LAMP2: variants seen among roughly 807,000 people sequenced by gnomAD.
LAMP2 encodes the protein lysosome associated membrane protein 2.
A neutral mutation model predicts 25.6 loss-of-function variants in LAMP2; 4 were observed. That is an observed-to-expected ratio of 0.16 (90% CI 0.08 to 0.36). The LOEUF (loss-of-function observed/expected upper bound fraction) is 0.36, where lower values mean the gene tolerates loss of function less well. Among genes scored for constraint, LAMP2 ranks in the 10% least tolerant of loss-of-function variants. The pLI is 1.00. For synonymous variants in LAMP2, 108 were observed against 112.7 expected, an observed-to-expected ratio of 0.96 and a Z score of 0.27; for missense variants, 272 against 301.4, an observed-to-expected ratio of 0.90 and a Z score of 0.72.
intron 3 of LAMP2, among the ~76,000 whole-genome samples, chrX:120,453,538 G>A (rs745992285): frequency 3.6e-5 from 4 of 112,265 alleles, no homozygotes; most frequent in South Asian, 3.7e-4. Context: ...GACCACGTGC[G>A]GTGGCTCACG....
In LAMP2 at chrX:120,449,043, C is replaced by A; in HGVS notation, c.483G>T (p.Lys161Asn). 8.3e-7 allele frequency: 1 copy of A among 1,207,920 alleles called. No homozygotes were observed. Among genetic ancestry groups the A allele is most frequent in the East Asian group, 3.0e-5 (1 of 33,831 alleles). The change falls in exon 4 of 9, where the codon AAG (lysine) becomes AAT (asparagine). Residue 161 changes from lysine (K) to asparagine (N), a missense_variant. Coordinates refer to ENST00000200639, the MANE Select transcript of LAMP2 (RefSeq NM_002294.3). ...CCCAGTAGTGTTGGACAACATCATT[C>A]TTTTCCAAAGTTGATAAACTATTGC... ...FRCNSLSTLE[K>N]NDVVQHYWDV...
At chrX:120,443,047 T>C (rs895170755) in intron 6 of LAMP2, among the ~76,000 whole-genome samples, 8 of 111,704 alleles carry the variant, frequency 7.2e-5, no homozygotes, top group African/African-American at 2.0e-4. Context: ...ATTATCTTTC[T>C]GAAGTACTCA....
chrX:120,451,496 CCT>C (rs1169423870), intron 3 of LAMP2, among the ~76,000 whole-genome samples: 1 of 108,609 alleles, frequency 9.2e-6, no homozygotes, highest in African/African-American at 3.4e-5. Context: ...GAAGGGTCTC[CCT>C]CTGTTGCCCA....
In LAMP2 at chrX:120,427,960, T is replaced by C. The variant is rs2058505424; in HGVS notation, c.*3363A>G. 1 of 111,924 alleles carries C rather than the reference T, an allele frequency of 8.9e-6. No individual in the cohort carries two copies. The highest frequency in any genetic ancestry group is 1.9e-5 in the Non-Finnish European group (1 of 53,034). 9.2% of individuals were successfully genotyped at this position (111,924 alleles called of 1,213,427 possible). A position where few individuals can be genotyped will look rare whatever the true frequency, so the allele number is the denominator to read the frequency against. On this transcript the variant is annotated 3_prime_UTR_variant, in exon 9 of 9. Coordinates refer to ENST00000200639, the MANE Select transcript of LAMP2 (RefSeq NM_002294.3). Reference sequence around the variant, plus strand: ...TATTAAATACAATATCATGAAGCCATTTCTTTCTTAACTAACAGAAAAATA... The same window carrying C: ...TATTAAATACAATATCATGAAGCCACTTCTTTCTTAACTAACAGAAAAATA...
At chrX:120,460,564 TCTG>T (rs1921274984) in intron 1 of LAMP2, among the ~76,000 whole-genome samples, 1 of 112,682 alleles carries the variant, frequency 8.9e-6, no homozygotes, top group South Asian at 3.6e-4. Context: ...CTCTTTTGTG[TCTG>T]CTTTCTTTCC....
intron 8 of LAMP2, among the ~76,000 whole-genome samples, 191 bp from the exon 9 acceptor site, chrX:120,431,653 TAC>T (rs1482634694): frequency 8.9e-6 from 1 of 112,893 alleles, no homozygotes; most frequent in Non-Finnish European, 1.9e-5. Context: ...AACCAAATAA[TAC>T]ACTTTTAAGT....
chrX:120,439,999 T>C lies in LAMP2; in HGVS notation c.1093+1731A>G, dbSNP rs1201541207. 2.7e-5 allele frequency among the ~76,000 whole-genome samples: 3 copies of C among 111,700 alleles called. No individual in the cohort carries two copies. In the East Asian group the frequency reaches 8.4e-4, roughly 31 times the overall value. On this transcript the variant is annotated intron_variant, in intron 8 of 8. Transcript: ENST00000200639. ...AAATGGCCTTTACATTTTTAAATGG[T>C]TGAAAAAAATATTTTGTGACACATG... is the stretch of plus-strand genomic sequence containing the variant.
chrX:120,453,579 G>A (rs2058631225), intron 3 of LAMP2, among the ~76,000 whole-genome samples: 1 of 112,319 alleles, frequency 8.9e-6, no homozygotes, highest in Non-Finnish European at 1.9e-5. Flanking sequence ...GGAGGCTGAG[G>A]TGGGTGGATC....
chrX:120,455,218 GT>G, intron 3 of LAMP2, 138 bp downstream of exon 3: 1 of 518,511 alleles, frequency 1.9e-6, no homozygotes, highest in Admixed American at 2.8e-5. Context: ...CATGCATGGG[GT>G]CAGTGGGAGG....
intron 8 of LAMP2, among the ~76,000 whole-genome samples, chrX:120,434,178 T>A (rs1011470330): frequency 8.9e-6 from 1 of 112,168 alleles, no homozygotes; most frequent in African/African-American, 3.2e-5. Context: ...CTTGGTTTTT[T>A]AAAAATTCAT....
At chrX:120,437,933 G>A (rs1408327675) in intron 8 of LAMP2, 7 of 359,559 alleles carry the variant, frequency 1.9e-5, no homozygotes, top group African/African-American at 1.1e-4. Flanking sequence ...TTGGCTCACC[G>A]CAACCTCTGC....
intron 1 of LAMP2, among the ~76,000 whole-genome samples, chrX:120,465,984 G>A (rs1450369361): frequency 4.5e-5 from 5 of 111,965 alleles, no homozygotes; most frequent in Non-Finnish European, 1.9e-5. Context: ...AGAAAATGCA[G>A]CTGTATAGAA....
At chrX:120,467,907 C>A (rs932636651) in intron 1 of LAMP2, among the ~76,000 whole-genome samples, 15 of 111,899 alleles carry the variant, frequency 1.3e-4, no homozygotes, top group African/African-American at 4.9e-4. Flanking sequence ...GGATTACAGG[C>A]ATGTGCCACG....
At chrX:120,440,892 A>C (rs763056801) in intron 8 of LAMP2, among the ~76,000 whole-genome samples, 44 of 112,379 alleles carry the variant, frequency 3.9e-4, no homozygotes, top group Non-Finnish European at 6.2e-4. Flanking sequence ...TAGGTATTCA[A>C]CACCACTGCA....
At chrX:120,456,558 A>G (rs1602540733) in intron 2 of LAMP2, 93 bp downstream of exon 2, 1 of 454,129 alleles carries the variant, frequency 2.2e-6, no homozygotes, top group East Asian at 3.9e-5. Flanking sequence ...AAGTCAGTCA[A>G]CGTGGAATTT....
intron 8 of LAMP2, among the ~76,000 whole-genome samples, 185 bp from the exon 9 acceptor site, chrX:120,431,647 AAAT>A (rs2058523525): frequency 8.8e-6 from 1 of 113,005 alleles, no homozygotes; most frequent in Non-Finnish European, 1.9e-5. Flanking sequence ...CCAAATAACC[AAAT>A]AATACACTTT....
chrX:120,464,088 G>T (rs1390936461), intron 1 of LAMP2, among the ~76,000 whole-genome samples: 1 of 110,701 alleles, frequency 9.0e-6, no homozygotes, highest in Non-Finnish European at 1.9e-5. Flanking sequence ...ACCTAACTTT[G>T]TGAAAACCTA....
rs146790702 is a variant in LAMP2 at position 120,459,157 on chromosome X, C to A, written c.65-2388G>T. ...AATGCCATACTCTATTCAACCTCTA[C>A]CCTGGGCTTCTATTGTTCCTAACAC... On this transcript the variant is annotated intron_variant, in intron 1 of 8. Coordinates refer to ENST00000200639, the MANE Select transcript of LAMP2 (RefSeq NM_002294.3). Among the ~76,000 whole-genome samples the A allele has an allele frequency of 7.3e-3, 817 of 111,926 alleles. 11 individuals are homozygous for A. Among genetic ancestry groups the A allele is most frequent in the African/African-American group, 0.025 (768 of 30,813 alleles).
Position 120,430,647 on chromosome X carries a change from A to G in LAMP2, c.*676T>C. On this transcript the variant is annotated 3_prime_UTR_variant, in exon 9 of 9. Coordinates refer to ENST00000200639, the MANE Select transcript of LAMP2 (RefSeq NM_002294.3). ...TCTTAAAAACTCTAATTACGAAGCC[A>G]GTTTAAGTTCTGTTGTAGCCTCTTG... The G allele has an allele frequency of 1.3e-6, 1 of 752,634 alleles. No homozygotes were observed. The allele number at this position is 752,634 out of a possible 1,213,427, so 62.0% of individuals were successfully genotyped here.
Sources: allele counts gnomAD v4.1 joint callset (sites outside exome capture counted in the v4.1 genomes callset), GRCh38; gene constraint gnomAD v4.1.1; transcripts MANE v1.5; gene names NCBI Gene and HGNC (gene_info 2026-07-23, HGNC 2026-07-21).